The following RCVRN variants were observed in gnomAD, a reference collection of about 807,000 sequenced individuals.
RCVRN encodes the protein cancer associated retinopathy antigen.
Under a neutral mutation model 20.4 loss-of-function variants are expected in RCVRN, and 23 were observed. That is an observed-to-expected ratio of 1.13 (90% CI 0.81 to 1.60). RCVRN has a LOEUF of 1.60. Ranked by LOEUF, RCVRN falls within the 40% of genes most tolerant of loss-of-function variation. The pLI is 0.00. For missense variants in RCVRN, 254 were observed against 254.2 expected (o/e 1.00, Z 0.00); for synonymous variants, 105 against 105.9 (o/e 0.99, Z 0.05).
At chr17:9,900,965 G>T in intron 2 of RCVRN, 24 bp downstream of exon 2, 1 of 1,387,526 alleles carries the variant, frequency 7.2e-7, no homozygotes, top group Non-Finnish European at 1.0e-6. Context: ...AAAAATCAAA[G>T]GCAATGAAGG....
Position 9,901,031 on chromosome 17 carries a change from G to C in RCVRN, c.451C>G (p.Arg151Gly), listed in dbSNP as rs182301173. ...LPDDENTPEK[R>G]AEKIWKYFGK... Reference sequence around the variant, plus strand: ...AAGTACTTCCAGATCTTCTCGGCTCGCTTTTCCGGCGTGTTTTCATCGTCT... The same window carrying C: ...AAGTACTTCCAGATCTTCTCGGCTCCCTTTTCCGGCGTGTTTTCATCGTCT... The change falls in exon 2 of 3, where the codon CGA becomes GGA. Residue 151 changes from arginine to glycine, a missense_variant. Transcript: ENST00000226193. The C allele has an allele frequency of 1.2e-6, 2 of 1,609,776 alleles. No individual in the cohort carries two copies. Among genetic ancestry groups the C allele is most frequent in the East Asian group, 2.2e-5 (1 of 44,766 alleles).
Position 9,904,751 on chromosome 17 carries a change from C to T in RCVRN, c.381+49G>A, listed in dbSNP as rs541876294. The T allele has an allele frequency of 1.9e-4, 296 of 1,576,094 alleles. No individual in the cohort carries two copies. Among genetic ancestry groups the T allele is most frequent in the Non-Finnish European group, 1.5e-4 (175 of 1,158,940 alleles). The stretch of plus-strand genomic sequence containing the variant: ...CAGCTGCAGCAGGGGACCCCCAGCC[C>T]GGAGCGACCCCGGCACCGCCCAGCC... On this transcript the variant is annotated intron_variant, in intron 1 of 2. Transcript: ENST00000226193. The surrounding 1 kb of genome is among the most constrained non-coding windows in gnomAD (Gnocchi z 5.8).
rs1311175334 is a variant in RCVRN at position 9,904,285 on chromosome 17, T to C, written c.381+515A>G. ...AAACCAAGATACAAAATGGTAGACC[T>C]GTCTAGGGCACTCACCATGAGTGGA... is the stretch of plus-strand genomic sequence containing the variant. On this transcript the variant is annotated intron_variant, in intron 1 of 2. Coordinates refer to ENST00000226193, the MANE Select transcript of RCVRN (RefSeq NM_002903.3). The surrounding 1 kb of genome is among the most constrained non-coding windows in gnomAD (Gnocchi z 5.8). 6.6e-6 allele frequency among the ~76,000 whole-genome samples: 1 copy of C among 152,108 alleles called. No individual in the cohort carries two copies. Among genetic ancestry groups the C allele is most frequent in the Admixed American group, 6.5e-5 (1 of 15,276 alleles).
intron 1 of RCVRN, among the ~76,000 whole-genome samples, chr17:9,901,997 C>T (rs2067343714): frequency 6.6e-6 from 1 of 151,878 alleles, no homozygotes; most frequent in Non-Finnish European, 1.5e-5. Flanking sequence ...AGTCTCCCTC[C>T]CTCCCTTTCC....
At position 9,898,382 on chromosome 17, in the gene RCVRN, C is replaced by A. The variant is rs541890087; in HGVS notation, c.494-178G>T. Among the ~76,000 whole-genome samples the A allele has an allele frequency of 1.2e-3, 183 of 152,272 alleles. 1 individual carries two copies. Among genetic ancestry groups the A allele is most frequent in the African/African-American group, 4.2e-3 (173 of 41,564 alleles). On this transcript the variant is annotated intron_variant, in intron 2 of 2. Coordinates refer to ENST00000226193, the MANE Select transcript of RCVRN (RefSeq NM_002903.3). ...TCCCCCACCCCAGTCCAGATACCCA[C>A]CTCCTTTCCCATGACCCTTGGAGCT...
At chr17:9,898,233 C>A (rs201770902) in intron 2 of RCVRN, 29 bp from the exon 3 acceptor site, 6 of 1,390,324 alleles carry the variant, frequency 4.3e-6, no homozygotes, top group Non-Finnish European at 6.2e-6. Flanking sequence ...TATATACGTA[C>A]ATAAAACAGT....
intron 2 of RCVRN, 127 bp from the exon 3 acceptor site, chr17:9,898,331 A>G (rs2152054011): frequency 1.5e-6 from 1 of 656,214 alleles, no homozygotes; most frequent in Admixed American, 2.2e-5. Flanking sequence ...AATATTGAAT[A>G]CTCAGTGGCC....
Position 9,899,255 on chromosome 17 carries a change from G to T in RCVRN, c.494-1051C>A, listed in dbSNP as rs1462555852. On this transcript the variant is annotated intron_variant, in intron 2 of 2. Coordinates refer to ENST00000226193, the MANE Select transcript of RCVRN (RefSeq NM_002903.3). This position sits in a 1 kb window ranked among gnomAD's most constrained non-coding sequence, Gnocchi z 4.6. ...TTTTGGATACCTTTAATCCCTTCTGGGTTAGGATCCAGGATGGCTTCCTCC... is the reference window on the plus strand; with the variant it reads ...TTTTGGATACCTTTAATCCCTTCTGTGTTAGGATCCAGGATGGCTTCCTCC... 6.6e-6 allele frequency among the ~76,000 whole-genome samples: 1 copy of T among 152,078 alleles called. No homozygotes were observed. Among genetic ancestry groups the T allele is most frequent in the East Asian group, 1.9e-4 (1 of 5,184 alleles).
In RCVRN at chr17:9,905,114, A is replaced by T. The variant is rs773299947; in HGVS notation, c.67T>A (p.Phe23Ile). 1 of 1,610,506 alleles carries T rather than the reference A, an allele frequency of 6.2e-7. No homozygotes were observed. The change falls in exon 1 of 3, where the codon TTC becomes ATC. Residue 23 changes from phenylalanine to isoleucine, a missense_variant. Transcript: ENST00000226193. ...ILEELQLNTK[F>I]SEEELCSWYQ... The stretch of plus-strand genomic sequence containing the variant: ...CAGGAGCACAGCTCCTCCTCCGAGA[A>T]CTTGGTGTTCAGCTGCAGCTCCTCC...
At chr17:9,898,258 A>G in intron 2 of RCVRN, 54 bp from the exon 3 acceptor site, 1 of 1,109,354 alleles carries the variant, frequency 9.0e-7, no homozygotes, top group Non-Finnish European at 1.4e-6. Flanking sequence ...ATTGATAGCC[A>G]AGTGAGCTGC....
At chr17:9,898,356 T>C (rs1290756409) in intron 2 of RCVRN, 152 bp from the exon 3 acceptor site, 7 of 592,680 alleles carry the variant, frequency 1.2e-5, no homozygotes, top group African/African-American at 7.5e-5. Context: ...GTATTCAATA[T>C]TCCCCCACCC....
At position 9,896,419 on chromosome 17, in the gene RCVRN, G is replaced by T. The variant is rs1019902574; in HGVS notation, c.*1676C>A. 1 of 152,240 alleles carries T rather than the reference G, an allele frequency of 6.6e-6. No individual in the cohort carries two copies. Among genetic ancestry groups the T allele is most frequent in the Non-Finnish European group, 1.5e-5 (1 of 68,064 alleles). 9.4% of individuals were successfully genotyped at this position (152,240 alleles called of 1,614,324 possible). ...ATCTCTGTGGCTAAAGTGGGGTCTGGAGGCATCACCACAATACCAGCAACT... is the reference window on the plus strand; with the variant it reads ...ATCTCTGTGGCTAAAGTGGGGTCTGTAGGCATCACCACAATACCAGCAACT... On this transcript the variant is annotated 3_prime_UTR_variant, in exon 3 of 3. Transcript: ENST00000226193.
In RCVRN at chr17:9,905,019, G is replaced by A; in HGVS notation, c.162C>T (p.Ala54=). The change falls in exon 1 of 3, where the codon GCC becomes GCT. Residue 54 remains alanine (A), a synonymous_variant. Coordinates refer to ENST00000226193, the MANE Select transcript of RCVRN (RefSeq NM_002903.3). ...TGGGGTCGGTGTCGGGGAAGAACTT[G>A]GCGTAGATGCTCTGGAACTGCTGCT... is the stretch of plus-strand genomic sequence containing the variant. ...ITQQQFQSIY[A]KFFPDTDPKA... is the part of the protein sequence containing the mutation. 6.2e-7 allele frequency: 1 copy of A among 1,614,110 alleles called. No homozygotes were observed. The highest frequency in any genetic ancestry group is 8.5e-7 in the Non-Finnish European group (1 of 1,179,996).
chr17:9,900,402 A>AGG (rs1268656968), intron 2 of RCVRN, among the ~76,000 whole-genome samples: 7 of 146,630 alleles, frequency 4.8e-5, no homozygotes, highest in Non-Finnish European at 1.0e-4. Context: ...AGGGGCACTG[A>AGG]GGACACCCCA....
chr17:9,903,390 G>A (rs1313983903), intron 1 of RCVRN, among the ~76,000 whole-genome samples: 1 of 152,234 alleles, frequency 6.6e-6, no homozygotes, highest in African/African-American at 2.4e-5. Context: ...AAGCCTGTGC[G>A]CCTCACAGGG....
Position 9,904,594 on chromosome 17 carries a change from C to T in RCVRN, c.381+206G>A, listed in dbSNP as rs2067355004. ...GGCTGTATTAGGAAACACTCAGATTCTGCTCCGGGAAGACAACGAAGCTGT... is the reference window on the plus strand; with the variant it reads ...GGCTGTATTAGGAAACACTCAGATTTTGCTCCGGGAAGACAACGAAGCTGT... On this transcript the variant is annotated intron_variant, in intron 1 of 2. Transcript: ENST00000226193. The surrounding 1 kb of genome is among the most constrained non-coding windows in gnomAD (Gnocchi z 5.8). 6.6e-6 allele frequency among the ~76,000 whole-genome samples: 1 copy of T among 152,220 alleles called. No homozygotes were observed. The highest frequency in any genetic ancestry group is 1.5e-5 in the Non-Finnish European group (1 of 68,046).
chr17:9,901,641 GAC>G (rs2067342217), intron 1 of RCVRN, among the ~76,000 whole-genome samples: 1 of 152,190 alleles, frequency 6.6e-6, no homozygotes, highest in Non-Finnish European at 1.5e-5. Context: ...CCCTGAGCTG[GAC>G]GCCAGTGTAG....
At position 9,896,912 on chromosome 17, in the gene RCVRN, TCTC is replaced by T. The variant is rs10586747; in HGVS notation, c.*1180_*1182del. The T allele has an allele frequency of 0.1, 15,889 of 152,844 alleles. 1,757 individuals are homozygous for T. Among genetic ancestry groups the T allele is most frequent in the African/African-American group, 0.27 (11,375 of 41,442 alleles). 9.5% of individuals were successfully genotyped at this position (152,844 alleles called of 1,614,324 possible). ...AGGCCTGGCTGCCATTCCTGCCCTC[TCTC>T]CTCCTGCCCCCTCAGCCAGCCAGGT... On this transcript the variant is annotated 3_prime_UTR_variant, in exon 3 of 3. Coordinates refer to ENST00000226193, the MANE Select transcript of RCVRN (RefSeq NM_002903.3).
At chr17:9,902,261 C>A (rs116661966) in intron 1 of RCVRN, among the ~76,000 whole-genome samples, 5 of 152,100 alleles carry the variant, frequency 3.3e-5, no homozygotes, top group African/African-American at 1.2e-4. Flanking sequence ...ACAGCCAATC[C>A]GAGGGAGCTT....
Sources: gnomAD v4.1 joint callset for allele counts (sites outside exome capture counted in the v4.1 genomes callset) on GRCh38, gnomAD v4.1.1 for gene constraint, Gnocchi (gnomAD v3.1) non-coding constraint, MANE v1.5 for transcripts, NCBI Gene and HGNC (gene_info 2026-07-23, HGNC 2026-07-21) for gene names.